FBXO15: variants seen among roughly 807,000 people sequenced by gnomAD.
FBXO15 encodes the protein F-box protein 15, also known as F-box only protein 15.
Under a neutral mutation model 49.5 loss-of-function variants are expected in FBXO15, and 30 were observed. The ratio of observed to expected loss-of-function variants is 0.61; its 90% confidence interval spans 0.45 to 0.82. The LOEUF (loss-of-function observed/expected upper bound fraction) is 0.82. Among genes scored for constraint, FBXO15 ranks in the 40% least tolerant of loss-of-function variants. FBXO15 has a pLI of 0.00. For missense variants in FBXO15, 591 were observed against 631.5 expected, an observed-to-expected ratio of 0.94 and a Z score of 0.69; for synonymous variants, 250 against 232.7, an observed-to-expected ratio of 1.07 and a Z score of -0.68.
chr18:74,121,663 A>G (rs7228051), intron 8 of FBXO15, among the ~76,000 whole-genome samples: 56,719 of 152,090 alleles, frequency 0.37, 11,985 homozygotes, highest in African/African-American at 0.57. Flanking sequence ...GAAGCAGCCC[A>G]AAGCAGATCC....
rs372439928 is a variant in FBXO15 at position 74,130,649 on chromosome 18, C to A, written c.342G>T (p.Trp114Cys). Residue 114 changes from tryptophan to cysteine, a missense_variant, in exon 4 of 10, where the codon TGG (tryptophan) becomes TGT (cysteine). By Grantham distance (215) the Trp-to-Cys change is radical (BLOSUM62 -2). Transcript: ENST00000419743. ...AAAAAGCAGTTGAGTAGATTCCGAT[C>A]CAAATAAAACTGGAGGGAAAAGAGG... Reference protein sequence around the residue: ...FYHLANDNFIWIGIYSTAFSP... With the variant: ...FYHLANDNFICIGIYSTAFSP... 48 of 1,611,166 alleles carry A rather than the reference C, an allele frequency of 3.0e-5. No homozygotes were observed. Among genetic ancestry groups the A allele is most frequent in the Non-Finnish European group, 3.9e-5 (46 of 1,178,276 alleles).
intron 8 of FBXO15, among the ~76,000 whole-genome samples, chr18:74,117,920 C>G (rs143216190): frequency 3.3e-5 from 5 of 152,216 alleles, no homozygotes; most frequent in African/African-American, 9.6e-5. Context: ...GACCTAGCAC[C>G]TAACAGGTCC....
intron 8 of FBXO15, among the ~76,000 whole-genome samples, chr18:74,082,614 G>A (rs753588934): frequency 1.3e-5 from 2 of 152,180 alleles, no homozygotes; most frequent in Non-Finnish European, 1.5e-5. Context: ...GCCAGCTACT[G>A]GCAGCCTGGC....
chr18:74,084,043 T>A (rs1912616960), intron 8 of FBXO15, among the ~76,000 whole-genome samples: 1 of 152,304 alleles, frequency 6.6e-6, no homozygotes, highest in African/African-American at 2.4e-5. Flanking sequence ...AGAAACATGA[T>A]CCAAACCCTG....
chr18:74,102,539 A>G (rs1392269869), intron 8 of FBXO15, among the ~76,000 whole-genome samples: 3 of 152,212 alleles, frequency 2.0e-5, no homozygotes, highest in African/African-American at 7.2e-5. Flanking sequence ...TGTGGAAAAT[A>G]GTGTGGAGAC....
At chr18:74,140,054 T>C in intron 2 of FBXO15, 148 bp downstream of exon 2, 1 of 512,496 alleles carries the variant, frequency 2.0e-6, no homozygotes. Context: ...CCATGACTCA[T>C]CAAATGCTCC....
intron 5 of FBXO15, among the ~76,000 whole-genome samples, chr18:74,127,417 A>T (rs1978292566): frequency 6.6e-6 from 1 of 152,226 alleles, no homozygotes; most frequent in South Asian, 2.1e-4. Flanking sequence ...GCAAGGAAGA[A>T]AATTTGGAGT....
chr18:74,116,635 A>T (rs1376498241), intron 8 of FBXO15, among the ~76,000 whole-genome samples: 2 of 151,742 alleles, frequency 1.3e-5, no homozygotes, highest in African/African-American at 4.8e-5. Context: ...CTTCATCCCC[A>T]CCCCAGCTCC....
chr18:74,083,065 C>T (rs1295346547), intron 8 of FBXO15, among the ~76,000 whole-genome samples: 2 of 152,170 alleles, frequency 1.3e-5, no homozygotes, highest in African/African-American at 2.4e-5. Context: ...TCTTTTGTGA[C>T]CCAGTAATAT....
At chr18:74,119,603 A>G (rs1280324515) in intron 8 of FBXO15, among the ~76,000 whole-genome samples, 1 of 152,144 alleles carries the variant, frequency 6.6e-6, no homozygotes, top group Non-Finnish European at 1.5e-5. Flanking sequence ...GCTCAGAGAG[A>G]CATGACCCCC....
chr18:74,093,191 G>A (rs1004903556), intron 8 of FBXO15, among the ~76,000 whole-genome samples: 2 of 143,646 alleles, frequency 1.4e-5, no homozygotes, highest in Admixed American at 7.2e-5. Context: ...GCATGGTGGA[G>A]TGCACATACA....
intron 2 of FBXO15, among the ~76,000 whole-genome samples, chr18:74,139,767 T>C (rs1978950163): frequency 6.6e-6 from 1 of 152,200 alleles, no homozygotes; most frequent in African/African-American, 2.4e-5. Flanking sequence ...AATAATTTTT[T>C]AAAGCTTCTG....
chr18:74,125,898 A>C, intron 6 of FBXO15, 77 bp downstream of exon 6: 1 of 1,553,908 alleles, frequency 6.4e-7, no homozygotes, highest in African/African-American at 1.4e-5. Context: ...TTTACATTTG[A>C]AGTCATACAT....
intron 8 of FBXO15, among the ~76,000 whole-genome samples, chr18:74,113,249 A>T (rs893898560): frequency 1.3e-5 from 2 of 152,216 alleles, no homozygotes; most frequent in Non-Finnish European, 2.9e-5. Context: ...AAAAGGAAAA[A>T]GTATGGAGAC....
At chr18:74,105,215 G>C (rs1275049235) in intron 8 of FBXO15, among the ~76,000 whole-genome samples, 1 of 152,120 alleles carries the variant, frequency 6.6e-6, no homozygotes, top group Non-Finnish European at 1.5e-5. Context: ...TGACAGAAGA[G>C]ATAAAACCTA....
chr18:74,120,361 G>C (rs1253633900), intron 8 of FBXO15, among the ~76,000 whole-genome samples: 1 of 152,136 alleles, frequency 6.6e-6, no homozygotes, highest in African/African-American at 2.4e-5. Context: ...CTCAACAACA[G>C]CAGAACACAT....
chr18:74,138,250 C>G (rs1264898819), intron 2 of FBXO15, among the ~76,000 whole-genome samples: 1 of 152,154 alleles, frequency 6.6e-6, no homozygotes, highest in Non-Finnish European at 1.5e-5. Context: ...CTCCAAGCTC[C>G]CTAATTTTTG....
chr18:74,143,762 T>A lies in FBXO15; in HGVS notation c.117-3450A>T, dbSNP rs556084746. Among the ~76,000 whole-genome samples, 38 of 152,360 alleles carry A rather than the reference T, an allele frequency of 2.5e-4. No homozygotes were observed. The South Asian group carries it at 6.0e-3, about 24-fold the overall frequency. ...CCAGGTGTCTATATGGCTTGCTCCC[T>A]CACTTTCTTCAGCCATTTACTACAA... On this transcript the variant is annotated intron_variant, in intron 1 of 9. Transcript: ENST00000419743.
At chr18:74,090,200 G>T (rs911488252) in intron 8 of FBXO15, among the ~76,000 whole-genome samples, 1 of 152,060 alleles carries the variant, frequency 6.6e-6, no homozygotes, top group Non-Finnish European at 1.5e-5. Flanking sequence ...CTAGCTTTAC[G>T]TGCATAGAGG....
Sources: allele counts gnomAD v4.1 joint callset (sites outside exome capture counted in the v4.1 genomes callset), GRCh38; gene constraint gnomAD v4.1.1; transcripts MANE v1.5; gene names NCBI Gene and HGNC (gene_info 2026-07-23, HGNC 2026-07-21).